Variants in MITF observed in about 807,000 individuals in gnomAD.
MITF encodes melanocyte inducing transcription factor, also known as microphthalmia-associated transcription factor.
A neutral mutation model predicts 60.5 loss-of-function variants in MITF; 17 were observed. That is an observed-to-expected ratio of 0.28 (90% CI 0.19 to 0.42). The LOEUF is 0.42. Among genes scored for constraint, MITF ranks in the 10% least tolerant of loss-of-function variants. The probability of loss-of-function intolerance (pLI) is 1.00; values close to 1 mark genes in which losing one functional copy is unlikely to be tolerated. For missense variants in MITF, 622 were observed against 683.5 expected, an observed-to-expected ratio of 0.91 and a Z score of 1.00; for synonymous variants, 260 against 248.5, an observed-to-expected ratio of 1.05 and a Z score of -0.43.
chr3:69,762,459 A>G (rs748549027), intron 1 of MITF, among the ~76,000 whole-genome samples: 21 of 152,342 alleles, frequency 1.4e-4, no homozygotes, highest in South Asian at 4.1e-4. Flanking sequence ...TTTAACTACC[A>G]CAAGAAATGT....
chr3:69,798,340 G>A (rs1184762020), intron 1 of MITF, among the ~76,000 whole-genome samples: 1 of 152,202 alleles, frequency 6.6e-6, no homozygotes, highest in Non-Finnish European at 1.5e-5. Context: ...CACAGTCTTG[G>A]CCAAGTAATT....
chr3:69,882,576 T>A (rs1393735292), intron 2 of MITF, among the ~76,000 whole-genome samples: 1 of 152,046 alleles, frequency 6.6e-6, no homozygotes, highest in African/African-American at 2.4e-5. Flanking sequence ...AAAAAAAAAG[T>A]CATCAAGAAC....
intron 1 of MITF, among the ~76,000 whole-genome samples, chr3:69,803,688 C>G (rs759498125): frequency 2.0e-5 from 3 of 152,150 alleles, no homozygotes; most frequent in Non-Finnish European, 4.4e-5. Flanking sequence ...CATGTGTGTG[C>G]ACACACATAT....
intron 2 of MITF, among the ~76,000 whole-genome samples, chr3:69,898,676 G>T (rs1489794839): frequency 6.6e-6 from 1 of 152,174 alleles, no homozygotes; most frequent in Non-Finnish European, 1.5e-5. Context: ...GGAGAACCAG[G>T]ATGGTAAAGG....
At chr3:69,811,071 A>C (rs1260940591) in intron 1 of MITF, among the ~76,000 whole-genome samples, 1 of 152,194 alleles carries the variant, frequency 6.6e-6, no homozygotes, top group Non-Finnish European at 1.5e-5. Flanking sequence ...CTGAACTCTG[A>C]CAACACATTA....
chr3:69,959,186 T>A, intron 8 of MITF, 87 bp from the exon 9 acceptor site: 1 of 1,495,676 alleles, frequency 6.7e-7, no homozygotes, highest in Non-Finnish European at 9.1e-7. Flanking sequence ...TTTAAAAAGT[T>A]CAAAAAGAAA....
intron 6 of MITF, 137 bp from the exon 7 acceptor site, chr3:69,951,675 T>C (rs983358803): frequency 4.0e-5 from 27 of 682,960 alleles, no homozygotes; most frequent in South Asian, 1.9e-4. Context: ...AAAGATATCA[T>C]TTTTAAAAAA....
chr3:69,952,838 C>T (rs1275055079), intron 7 of MITF, among the ~76,000 whole-genome samples: 5 of 151,980 alleles, frequency 3.3e-5, no homozygotes, highest in African/African-American at 9.7e-5. Flanking sequence ...TTTTGAAGAC[C>T]TTTTGCTGTT....
At chr3:69,879,478 T>G (rs767688246) in intron 2 of MITF, 95 bp downstream of exon 2, 18 of 1,574,918 alleles carry the variant, frequency 1.1e-5, no homozygotes, top group Non-Finnish European at 1.6e-5. Flanking sequence ...TTTGTTAGAC[T>G]GACCCTTCAG....
intron 7 of MITF, among the ~76,000 whole-genome samples, chr3:69,953,792 T>C (rs1201464800): frequency 6.6e-6 from 1 of 151,864 alleles, no homozygotes; most frequent in East Asian, 1.9e-4. Context: ...TTTCCCATCC[T>C]GGGAAGCTTG....
At chr3:69,855,217 G>T (rs1478476432) in intron 1 of MITF, among the ~76,000 whole-genome samples, 1 of 136,062 alleles carries the variant, frequency 7.3e-6, no homozygotes, top group Non-Finnish European at 1.5e-5. Flanking sequence ...AGATGATCAT[G>T]CTCATTGCAT....
intron 1 of MITF, among the ~76,000 whole-genome samples, chr3:69,740,400 C>T (rs1182657956): frequency 6.6e-6 from 1 of 152,134 alleles, no homozygotes; most frequent in Non-Finnish European, 1.5e-5. Context: ...GGAAATGAGC[C>T]TTGGTCTTGG....
intron 1 of MITF, among the ~76,000 whole-genome samples, chr3:69,754,052 T>C (rs1415521200): frequency 6.6e-6 from 1 of 152,166 alleles, no homozygotes; most frequent in Non-Finnish European, 1.5e-5. Context: ...CCACCAAATC[T>C]CAGGTCAAAT....
At position 69,965,669 on chromosome 3, in the gene MITF, GAA is replaced by G. The variant is rs1381640342; in HGVS notation, c.*423_*424del. ...AACCAAAAAGAAAAAAAAAAAGAAA[GAA>G]AGAGGAAAAGAAATCCATACTAACC... On this transcript the variant is annotated 3_prime_UTR_variant, in exon 10 of 10. Coordinates refer to ENST00000352241, the MANE Select transcript of MITF (RefSeq NM_001354604.2). 7 of 252,848 alleles carry G rather than the reference GAA, an allele frequency of 2.8e-5. No homozygotes were observed. The highest frequency in any genetic ancestry group is 8.8e-5 in the African/African-American group (4 of 45,282). 15.7% of individuals were successfully genotyped at this position (252,848 alleles called of 1,614,324 possible).
chr3:69,962,949 G>A (rs1290036254), intron 9 of MITF, among the ~76,000 whole-genome samples: 1 of 152,148 alleles, frequency 6.6e-6, no homozygotes, highest in Non-Finnish European at 1.5e-5. Context: ...CCCTTCTGAG[G>A]CCTCTCTCCT....
At chr3:69,945,542 CT>C (rs2066074094) in intron 5 of MITF, among the ~76,000 whole-genome samples, 1 of 152,172 alleles carries the variant, frequency 6.6e-6, no homozygotes, top group South Asian at 2.1e-4. Context: ...CTACAGAATC[CT>C]TTCTTTAAAA....
chr3:69,806,010 A>G (rs1261595545), intron 1 of MITF, among the ~76,000 whole-genome samples: 3 of 152,152 alleles, frequency 2.0e-5, no homozygotes, highest in African/African-American at 7.2e-5. Flanking sequence ...GACTTAGTCC[A>G]TTTAATATAG....
chr3:69,841,353 T>G (rs981305849), intron 1 of MITF, among the ~76,000 whole-genome samples: 5 of 152,350 alleles, frequency 3.3e-5, no homozygotes, highest in Non-Finnish European at 7.3e-5. Flanking sequence ...TTGTTTTGTA[T>G]AGTTAATTTT....
intron 2 of MITF, among the ~76,000 whole-genome samples, chr3:69,921,865 T>C (rs564973893): frequency 3.3e-5 from 5 of 152,300 alleles, no homozygotes; most frequent in African/African-American, 1.2e-4. Context: ...CGAAAGAGTC[T>C]TTGTTTTGAA....
Sources: allele counts gnomAD v4.1 joint callset (sites outside exome capture counted in the v4.1 genomes callset), GRCh38; gene constraint gnomAD v4.1.1; transcripts MANE v1.5; gene names NCBI Gene and HGNC (gene_info 2026-07-23, HGNC 2026-07-21).